Variants in RBFOX3 observed in about 807,000 individuals in gnomAD.
The protein encoded by RBFOX3 is RNA binding fox-1 homolog 3, also known as RNA binding protein fox-1 homolog 3.
A neutral mutation model predicts 48.7 loss-of-function variants in RBFOX3; 17 were observed. The ratio of observed to expected loss-of-function variants is 0.35; its 90% confidence interval spans 0.24 to 0.52. RBFOX3 has a LOEUF of 0.52. Among genes scored for constraint, RBFOX3 ranks in the 20% least tolerant of loss-of-function variants. The pLI, the probability that RBFOX3 is intolerant of heterozygous loss-of-function variation, is 0.94. For missense variants in RBFOX3, 382 were observed against 497.5 expected (o/e 0.77, Z 2.21); for synonymous variants, 212 against 209.5 (o/e 1.01, Z -0.10).
At chr17:79,613,998 AAGGCAT>A (rs1336025570), upstream of RBFOX3, among the ~76,000 whole-genome samples, 36 of 152,372 alleles carry the variant, frequency 2.4e-4, no homozygotes, top group Middle Eastern at 6.8e-3. Context: ...TAACTTTAAA[AAGGCAT>A]AAACCCCAAC....
intron 4 of RBFOX3, among the ~76,000 whole-genome samples, chr17:79,219,732 A>G (rs2059486658): frequency 6.6e-6 from 1 of 151,750 alleles, no homozygotes; most frequent in Non-Finnish European, 1.5e-5. Flanking sequence ...GCTCACAGCC[A>G]TGCTTCACCA....
At chr17:79,166,773 G>T (rs1441926861) in intron 4 of RBFOX3, among the ~76,000 whole-genome samples, 2 of 152,208 alleles carry the variant, frequency 1.3e-5, no homozygotes, top group Non-Finnish European at 2.9e-5. Context: ...CTCAGTGGGA[G>T]AATCGAAACA....
chr17:79,658,125 AT>A, the RBFOX3 span, among the ~76,000 whole-genome samples: 1 of 152,186 alleles, frequency 6.6e-6, no homozygotes, highest in Non-Finnish European at 1.5e-5. Context: ...GTCCAGGAGA[AT>A]TTGCTACTAT....
intron 2 of RBFOX3, among the ~76,000 whole-genome samples, chr17:79,377,528 C>T (rs375875306): frequency 1.8e-4 from 28 of 152,324 alleles, no homozygotes; most frequent in African/African-American, 5.5e-4. Context: ...ACAGCTCCAT[C>T]GCACCCATGC....
upstream of RBFOX3, among the ~76,000 whole-genome samples, chr17:79,611,273 G>A (rs2093967771): frequency 6.6e-6 from 1 of 150,416 alleles, no homozygotes; most frequent in Admixed American, 6.6e-5. Flanking sequence ...CGGCGGCGCG[G>A]GCGGCGGTGG....
rs191255326 is a variant in RBFOX3 at position 79,535,759 on chromosome 17, C to A, written c.-319-53161G>T. Among the ~76,000 whole-genome samples the A allele has an allele frequency of 6.6e-6, 1 of 152,198 alleles. No homozygotes were observed. The highest frequency in any genetic ancestry group is 1.5e-5 in the Non-Finnish European group (1 of 68,030). ...CACCCAGGAAGCCTGCAGCACTGAG[C>A]CGTCTGCATTTGCTAGGGCCACCAG... is the stretch of plus-strand genomic sequence containing the variant. On this transcript the variant is annotated intron_variant, in intron 1 of 14. Coordinates refer to ENST00000693108, the MANE Select transcript of RBFOX3 (RefSeq NM_001350451.2). This position sits in a 1 kb window ranked among gnomAD's most constrained non-coding sequence, Gnocchi z 4.5.
the RBFOX3 span, among the ~76,000 whole-genome samples, chr17:79,648,176 G>A: frequency 4.0e-4 from 61 of 152,282 alleles, no homozygotes; most frequent in African/African-American, 1.4e-3. Flanking sequence ...CAGACAGTGT[G>A]AGACGAACTG....
At chr17:79,424,826 C>T (rs1475500812) in intron 2 of RBFOX3, among the ~76,000 whole-genome samples, 2 of 152,070 alleles carry the variant, frequency 1.3e-5, no homozygotes, top group African/African-American at 2.4e-5. Flanking sequence ...TCCCCTGACT[C>T]GCCCCATCTC....
chr17:79,113,114 G>A (rs2032626368), intron 5 of RBFOX3, among the ~76,000 whole-genome samples: 1 of 152,122 alleles, frequency 6.6e-6, no homozygotes, highest in Non-Finnish European at 1.5e-5. Flanking sequence ...AGGGCCAAGG[G>A]GAGGCTCGAG....
At chr17:79,464,792 C>G (rs538613958) in intron 2 of RBFOX3, among the ~76,000 whole-genome samples, 12 of 152,384 alleles carry the variant, frequency 7.9e-5, no homozygotes, top group African/African-American at 2.9e-4. Flanking sequence ...GCCCCGAGGA[C>G]AGCTGAGAAC....
intron 4 of RBFOX3, among the ~76,000 whole-genome samples, chr17:79,196,335 C>T (rs926439882): frequency 6.6e-6 from 1 of 152,166 alleles, no homozygotes; most frequent in African/African-American, 2.4e-5. Flanking sequence ...AGTCACAGAC[C>T]CGGAGTCCAG....
chr17:79,236,108 C>T (rs982260369), intron 3 of RBFOX3, among the ~76,000 whole-genome samples: 24 of 152,078 alleles, frequency 1.6e-4, no homozygotes, highest in Admixed American at 5.2e-4. Context: ...TTTTTTTCCC[C>T]CACCTCAAAC....
intron 4 of RBFOX3, among the ~76,000 whole-genome samples, chr17:79,206,556 T>C (rs1439561232): frequency 6.7e-6 from 1 of 149,398 alleles, no homozygotes; most frequent in African/African-American, 2.5e-5. Context: ...AGCGGATGCC[T>C]CCTGTGTCCA....
At chr17:79,429,875 G>A (rs965482181) in intron 2 of RBFOX3, among the ~76,000 whole-genome samples, 3 of 152,172 alleles carry the variant, frequency 2.0e-5, no homozygotes, top group African/African-American at 7.2e-5. Context: ...CTATAAATTC[G>A]TGGTTCTGCT....
At chr17:79,165,136 A>T (rs1185733799) in intron 4 of RBFOX3, among the ~76,000 whole-genome samples, 6 of 152,072 alleles carry the variant, frequency 3.9e-5, no homozygotes, top group Admixed American at 2.0e-4. Flanking sequence ...GGCGGGAGAC[A>T]TGGGCTGGTG....
rs2078575472 is a variant in RBFOX3, at chr17:79,480,177, T to C, written c.-175+2277A>G. Reference sequence around the variant, plus strand: ...GTCACATTGCTGCTTCTCTGTCCCATACAGGCTGGGGTGTGTGGCCTTCCT... The same window carrying C: ...GTCACATTGCTGCTTCTCTGTCCCACACAGGCTGGGGTGTGTGGCCTTCCT... On this transcript the variant is annotated intron_variant, in intron 2 of 14. Coordinates refer to ENST00000693108, the MANE Select transcript of RBFOX3 (RefSeq NM_001350451.2). This position sits in a 1 kb window ranked among gnomAD's most constrained non-coding sequence, Gnocchi z 4.8. Among the ~76,000 whole-genome samples the C allele has an allele frequency of 6.6e-6, 1 of 152,174 alleles. No individual in the cohort carries two copies. Among genetic ancestry groups the C allele is most frequent in the Non-Finnish European group, 1.5e-5 (1 of 68,010 alleles).
chr17:79,264,894 C>G (rs1279325660), intron 3 of RBFOX3, among the ~76,000 whole-genome samples: 5 of 151,698 alleles, frequency 3.3e-5, no homozygotes, highest in Non-Finnish European at 5.9e-5. Flanking sequence ...GCAGGGCAAG[C>G]TGGGTGAGAA....
chr17:79,278,350 G>T (rs2069420351), intron 3 of RBFOX3, among the ~76,000 whole-genome samples: 1 of 152,244 alleles, frequency 6.6e-6, no homozygotes, highest in Non-Finnish European at 1.5e-5. Flanking sequence ...TACCCCAGAA[G>T]AGGGACCCCG....
chr17:79,146,667 C>T (rs995365925), intron 4 of RBFOX3, among the ~76,000 whole-genome samples: 1 of 152,188 alleles, frequency 6.6e-6, no homozygotes, highest in Non-Finnish European at 1.5e-5. Context: ...CTGCCATCTG[C>T]GAGTCCAGCC....
Sources: allele counts gnomAD v4.1 joint callset (sites outside exome capture counted in the v4.1 genomes callset), GRCh38; gene constraint gnomAD v4.1.1; non-coding constraint Gnocchi (gnomAD v3.1); transcripts MANE v1.5; gene names NCBI Gene and HGNC (gene_info 2026-07-23, HGNC 2026-07-21).